SCAPER: variants seen among roughly 807,000 people sequenced by gnomAD.
SCAPER encodes the protein S phase cyclin A-associated protein in the endoplasmic reticulum.
Under a neutral mutation model 182.2 loss-of-function variants are expected in SCAPER, and 98 were observed. That is an observed-to-expected ratio of 0.54 (90% CI 0.46 to 0.64). SCAPER has a LOEUF of 0.64. SCAPER is among the 30% of genes least tolerant of loss of function. SCAPER has a pLI of 0.00. For synonymous variants in SCAPER, 605 were observed against 564.6 expected (o/e 1.07, Z -1.01); for missense variants, 1,432 against 1,690.0 (o/e 0.85, Z 2.68).
rs540856207 is a variant in SCAPER at position 76,353,690 on chromosome 15, C to T, written c.4047+259G>A. ...GTCTTTTAAAAACATTTCCTGAGTA[C>T]GGGTTACCATTTCATTAACTAGAAA... On this transcript the variant is annotated intron_variant, in intron 30 of 31. Coordinates refer to ENST00000563290, the MANE Select transcript of SCAPER (RefSeq NM_020843.4). Among the ~76,000 whole-genome samples the T allele has an allele frequency of 9.9e-5, 15 of 152,258 alleles. No individual in the cohort carries two copies. In the South Asian group the frequency reaches 1.7e-3, roughly 17 times the overall value.
At chr15:76,715,886 T>A (rs1421231196) in intron 17 of SCAPER, among the ~76,000 whole-genome samples, 1 of 152,076 alleles carries the variant, frequency 6.6e-6, no homozygotes. Context: ...GAGAACTGAA[T>A]CCACTCATGC....
intron 23 of SCAPER, among the ~76,000 whole-genome samples, chr15:76,518,205 G>A (rs1296821148): frequency 6.6e-6 from 1 of 152,176 alleles, no homozygotes; most frequent in African/African-American, 2.4e-5. Flanking sequence ...TCAAGCCCCA[G>A]CTGGCCTTCA....
intron 22 of SCAPER, among the ~76,000 whole-genome samples, chr15:76,585,436 T>A (rs1411301910): frequency 2.0e-5 from 3 of 152,170 alleles, no homozygotes; most frequent in Non-Finnish European, 4.4e-5. Flanking sequence ...GGAAGATTAT[T>A]GGCAGTGAAC....
At chr15:76,741,452 T>C (rs2061533140) in intron 15 of SCAPER, among the ~76,000 whole-genome samples, 2 of 152,122 alleles carry the variant, frequency 1.3e-5, no homozygotes, top group Non-Finnish European at 2.9e-5. Flanking sequence ...GTTTTTGGCC[T>C]GAGAGGCATT....
At chr15:76,532,661 C>A (rs1195304261) in intron 23 of SCAPER, among the ~76,000 whole-genome samples, 1 of 152,114 alleles carries the variant, frequency 6.6e-6, no homozygotes, top group Non-Finnish European at 1.5e-5. Context: ...GGATTAAATT[C>A]ATCATAAATT....
At chr15:76,583,808 A>C (rs904126217) in intron 22 of SCAPER, among the ~76,000 whole-genome samples, 3 of 152,212 alleles carry the variant, frequency 2.0e-5, no homozygotes, top group Non-Finnish European at 4.4e-5. Context: ...ACCCTCATGC[A>C]CTGTTGGTGG....
chr15:76,527,344 T>C (rs890962021), intron 23 of SCAPER, among the ~76,000 whole-genome samples: 1 of 152,198 alleles, frequency 6.6e-6, no homozygotes, highest in Non-Finnish European at 1.5e-5. Flanking sequence ...TTCTGTCTCT[T>C]CCTCTATTAT....
chr15:76,816,390 TGAA>T (rs1354567015), intron 5 of SCAPER, among the ~76,000 whole-genome samples: 1 of 152,104 alleles, frequency 6.6e-6, no homozygotes, highest in Admixed American at 6.5e-5. Context: ...TTGTTAAAAA[TGAA>T]GACACGAACA....
At chr15:76,627,450 C>T (rs1417478123) in intron 21 of SCAPER, among the ~76,000 whole-genome samples, 5 of 152,120 alleles carry the variant, frequency 3.3e-5, no homozygotes, top group African/African-American at 4.8e-5. Flanking sequence ...CCCCGAACCA[C>T]ACCCCCTGAC....
At chr15:76,509,818 A>C (rs1237551894) in intron 23 of SCAPER, among the ~76,000 whole-genome samples, 1 of 152,204 alleles carries the variant, frequency 6.6e-6, no homozygotes, top group Non-Finnish European at 1.5e-5. Context: ...ACCTGATTTC[A>C]AACTATACTA....
At chr15:76,668,792 C>T (rs1021194135) in intron 20 of SCAPER, among the ~76,000 whole-genome samples, 1 of 152,112 alleles carries the variant, frequency 6.6e-6, no homozygotes, top group Non-Finnish European at 1.5e-5. Flanking sequence ...TGGCATATGG[C>T]AAGCACTCAG....
At chr15:76,522,648 A>G (rs1307835887) in intron 23 of SCAPER, among the ~76,000 whole-genome samples, 4 of 152,102 alleles carry the variant, frequency 2.6e-5, no homozygotes. Flanking sequence ...AAATGTTAAC[A>G]AAATGTTGGG....
At chr15:76,449,456 T>C (rs147966832) in intron 25 of SCAPER, among the ~76,000 whole-genome samples, 312 of 152,340 alleles carry the variant, frequency 2.0e-3, no homozygotes, top group South Asian at 3.5e-3. Context: ...TGTGGAGGCA[T>C]AAATACTGAA....
chr15:76,494,059 T>C (rs1454146333), intron 24 of SCAPER, among the ~76,000 whole-genome samples: 1 of 152,218 alleles, frequency 6.6e-6, no homozygotes. Flanking sequence ...TGGATTGTAG[T>C]ATAAATTTTA....
chr15:76,902,505 G>A (rs1452471821), intron 1 of SCAPER, among the ~76,000 whole-genome samples: 1 of 152,068 alleles, frequency 6.6e-6, no homozygotes, highest in Non-Finnish European at 1.5e-5. Context: ...TTAAAAAAAG[G>A]TTACCATCCA....
Position 76,765,014 on chromosome 15 carries a change from T to C in SCAPER, c.1672A>G (p.Arg558Gly). Residue 558 changes from arginine to glycine, a missense_variant, in exon 14 of 32, where the codon AGG becomes GGG. Arg to Gly is a moderately radical substitution (Grantham distance 125). This residue lies in a region of SCAPER where 128 missense variants were observed against 149.9 expected (regional missense o/e 0.85). Coordinates refer to ENST00000563290, the MANE Select transcript of SCAPER (RefSeq NM_020843.4). ...GTTTTCTCTTCGCGTAACTTTTCCC[T>C]TAGCTGCTGTGCTTTCATTTGTTTT... ...EEKQMKAQQL[R>G]EKLREEKTLK... is the part of the protein sequence containing the mutation. The C allele has an allele frequency of 6.2e-7, 1 of 1,604,040 alleles. No homozygotes were observed. Among genetic ancestry groups the C allele is most frequent in the Non-Finnish European group, 8.5e-7 (1 of 1,175,416 alleles).
chr15:76,525,009 G>A (rs1353825280), intron 23 of SCAPER, among the ~76,000 whole-genome samples: 1 of 151,946 alleles, frequency 6.6e-6, no homozygotes, highest in Non-Finnish European at 1.5e-5. Context: ...AAAATATATA[G>A]GCATTCCTTT....
At chr15:76,440,208 C>G (rs2047466467) in intron 25 of SCAPER, among the ~76,000 whole-genome samples, 2 of 152,302 alleles carry the variant, frequency 1.3e-5, no homozygotes, top group South Asian at 4.1e-4. Flanking sequence ...GGAATAGATA[C>G]TGGTGCCGAT....
chr15:76,367,986 G>A (rs963075565), intron 29 of SCAPER, among the ~76,000 whole-genome samples: 4 of 152,112 alleles, frequency 2.6e-5, no homozygotes, highest in Non-Finnish European at 5.9e-5. Flanking sequence ...TGGTTGCACT[G>A]CTGAAACTCA....
Sources: gnomAD v4.1 joint callset for allele counts (sites outside exome capture counted in the v4.1 genomes callset) on GRCh38, gnomAD v4.1.1 for gene constraint, gnomAD v4.1.1 regional missense constraint, MANE v1.5 for transcripts, NCBI Gene and HGNC (gene_info 2026-07-23, HGNC 2026-07-21) for gene names.